The following PALLD variants were observed in gnomAD, a reference collection of about 807,000 sequenced individuals.
PALLD encodes palladin.
In PALLD, 61 loss-of-function variants were observed where a neutral mutation model predicts 123.5. That is an observed-to-expected ratio of 0.49 (90% CI 0.40 to 0.61). The LOEUF is 0.61. PALLD is among the 20% of genes least tolerant of loss of function. PALLD has a pLI of 0.00. For synonymous variants in PALLD, 465 were observed against 496.4 expected (o/e 0.94, Z 0.84); for missense variants, 1,273 against 1,377.0 (o/e 0.92, Z 1.20).
intron 15 of PALLD, chr4:168,904,291 T>C (rs527374643): frequency 1.9e-5 from 4 of 210,072 alleles, no homozygotes; most frequent in African/African-American, 4.5e-5. Flanking sequence ...GTGGCATGCA[T>C]AGGCTGTATA....
At chr4:168,535,735 C>A (rs1184624125) in intron 2 of PALLD, among the ~76,000 whole-genome samples, 1 of 152,184 alleles carries the variant, frequency 6.6e-6, no homozygotes. Context: ...CATTGCATCC[C>A]TCTTAAGAAA....
chr4:168,874,468 G>A (rs1246087025), intron 10 of PALLD, among the ~76,000 whole-genome samples: 1 of 152,182 alleles, frequency 6.6e-6, no homozygotes, highest in Non-Finnish European at 1.5e-5. Context: ...TTTCTATAAT[G>A]TATGAGGGGA....
At chr4:168,778,527 C>T (rs56170411) in intron 10 of PALLD, among the ~76,000 whole-genome samples, 3,229 of 152,128 alleles carry the variant, frequency 0.021, 111 homozygotes, top group African/African-American at 0.074. Context: ...TGCTGAATCC[C>T]TTTAGGGCAA....
intron 1 of PALLD, among the ~76,000 whole-genome samples, chr4:168,502,879 G>A (rs1049785899): frequency 2.6e-5 from 4 of 152,174 alleles, no homozygotes; most frequent in African/African-American, 7.2e-5. Flanking sequence ...AGTCCAGGCC[G>A]GGAGACAGAA....
intron 15 of PALLD, among the ~76,000 whole-genome samples, chr4:168,912,670 T>G (rs1005902634): frequency 5.9e-5 from 9 of 152,354 alleles, no homozygotes; most frequent in Admixed American, 2.6e-4. Context: ...ATACAACGTA[T>G]AATGTTCAAA....
At chr4:168,542,736 A>G (rs1372715621) in intron 2 of PALLD, among the ~76,000 whole-genome samples, 1 of 37,266 alleles carries the variant, frequency 2.7e-5, no homozygotes. Context: ...ATATATATAT[A>G]TATATATATA....
chr4:168,651,521 A>G (rs372350852), intron 2 of PALLD, among the ~76,000 whole-genome samples: 2 of 152,312 alleles, frequency 1.3e-5, no homozygotes, highest in East Asian at 1.9e-4. Context: ...TTAAACAAAC[A>G]AAAAAGCCCA....
chr4:168,861,374 G>A (rs916268355), intron 10 of PALLD, among the ~76,000 whole-genome samples: 1 of 152,134 alleles, frequency 6.6e-6, no homozygotes, highest in Admixed American at 6.5e-5. Context: ...GGGAACTTGA[G>A]AAATGGTAAC....
In PALLD at chr4:168,711,802, C is replaced by G. The variant is rs1454111307; in HGVS notation, c.1843C>G (p.Pro615Ala). 1 of 1,613,916 alleles carries G rather than the reference C, an allele frequency of 6.2e-7. No homozygotes were observed. Among genetic ancestry groups the G allele is most frequent in the African/African-American group, 1.3e-5 (1 of 74,922 alleles). The change falls in exon 10 of 22, where the codon CCC (proline) becomes GCC (alanine). Residue 615 changes from proline (P) to alanine (A), a missense_variant. Transcript: ENST00000505667. ...TGAGAGGGAAACGAACGGAGTCCAT[C>G]CCAGCCGTGGAGTAAATGGACTGAT... ...AAERETNGVH[P>A]SRGVNGLING...
At chr4:168,723,095 A>G (rs1436428898) in intron 10 of PALLD, among the ~76,000 whole-genome samples, 1 of 152,222 alleles carries the variant, frequency 6.6e-6, no homozygotes, top group Non-Finnish European at 1.5e-5. Context: ...GTGGAAGTTA[A>G]GGTCGCAGGA....
intron 2 of PALLD, among the ~76,000 whole-genome samples, chr4:168,575,953 T>C (rs1212372093): frequency 6.6e-6 from 1 of 152,112 alleles, no homozygotes; most frequent in Non-Finnish European, 1.5e-5. Flanking sequence ...CAGAAATCTA[T>C]ATTTTTAATG....
At chr4:168,764,108 C>A (rs1156995274) in intron 10 of PALLD, among the ~76,000 whole-genome samples, 2 of 152,038 alleles carry the variant, frequency 1.3e-5, no homozygotes, top group African/African-American at 4.8e-5. Context: ...GAAAAAAATT[C>A]TTTTAGAGAG....
intron 10 of PALLD, among the ~76,000 whole-genome samples, chr4:168,808,124 A>G (rs191456121): frequency 6.6e-6 from 1 of 152,106 alleles, no homozygotes; most frequent in African/African-American, 2.4e-5. Context: ...GCCCATGAAA[A>G]TATAAGAGGA....
intron 10 of PALLD, among the ~76,000 whole-genome samples, chr4:168,857,170 T>C (rs1415961594): frequency 2.0e-5 from 3 of 152,218 alleles, no homozygotes; most frequent in Non-Finnish European, 4.4e-5. Flanking sequence ...ACAGTGTGAT[T>C]GACTACTCTG....
intron 6 of PALLD, among the ~76,000 whole-genome samples, chr4:168,687,245 T>C (rs924418153): frequency 1.3e-5 from 2 of 152,182 alleles, no homozygotes; most frequent in Admixed American, 1.3e-4. Context: ...GTATTTCCAG[T>C]TGGGCACAGG....
chr4:168,818,891 T>TAG (rs1742332957), intron 10 of PALLD, among the ~76,000 whole-genome samples: 1 of 152,246 alleles, frequency 6.6e-6, no homozygotes, highest in Non-Finnish European at 1.5e-5. Context: ...AATTACACAC[T>TAG]ATCTGTATAG....
At chr4:168,647,780 C>CAAAAAAAAAAAAAAA (rs34790739) in intron 2 of PALLD, 1 of 79,138 alleles carries the variant, frequency 1.3e-5, no homozygotes. Context: ...GACTCTGTCT[C>CAAAAAAAAAAAAAAA]AAAAAAAAAA....
rs184864458 is a variant in PALLD at position 168,616,957 on chromosome 4, T to C, written c.909-51233T>C. 3.0e-3 allele frequency among the ~76,000 whole-genome samples: 460 copies of C among 152,298 alleles called. 2 individuals carry two copies. Among genetic ancestry groups the C allele is most frequent in the African/African-American group, 0.01 (430 of 41,556 alleles). On this transcript the variant is annotated intron_variant, in intron 2 of 21. Transcript: ENST00000505667. The stretch of plus-strand genomic sequence containing the variant: ...CTCTTACTGCTAGGTATGTCCGTTT[T>C]ATGGTTCCAGGCCACCATGGAGATG...
chr4:168,866,406 A>G (rs1251034081), intron 10 of PALLD, among the ~76,000 whole-genome samples: 1 of 152,240 alleles, frequency 6.6e-6, no homozygotes, highest in East Asian at 1.9e-4. Context: ...AACCATAAGT[A>G]TGTAGGAACT....
Sources: gnomAD v4.1 joint callset for allele counts (sites outside exome capture counted in the v4.1 genomes callset) on GRCh38, gnomAD v4.1.1 for gene constraint, MANE v1.5 for transcripts, NCBI Gene and HGNC (gene_info 2026-07-23, HGNC 2026-07-21) for gene names.